The following CENPO variants were observed in gnomAD, a reference collection of about 807,000 sequenced individuals.
The protein encoded by CENPO is centromeric protein O.
Under a neutral mutation model 36.1 loss-of-function variants are expected in CENPO, and 30 were observed. The ratio of observed to expected loss-of-function variants is 0.83; its 90% CI spans 0.62 to 1.13. The LOEUF (loss-of-function observed/expected upper bound fraction) is 1.13, where lower values mean the gene tolerates loss of function less well. Ranked by LOEUF, CENPO falls within the 50% of genes most tolerant of loss-of-function variation. The pLI is 0.00. For synonymous variants in CENPO, 171 were observed against 142.3 expected (o/e 1.20, Z -1.44); for missense variants, 349 against 357.8 (o/e 0.98, Z 0.20).
intron 2 of CENPO, among the ~76,000 whole-genome samples, chr2:24,796,924 A>G (rs1665934408): frequency 6.6e-6 from 1 of 152,128 alleles, no homozygotes; most frequent in African/African-American, 2.4e-5. Context: ...CTGTGTGGAA[A>G]TGCCTAGAGA....
intron 3 of CENPO, among the ~76,000 whole-genome samples, chr2:24,805,433 GT>G (rs1666355631): frequency 6.6e-6 from 1 of 152,152 alleles, no homozygotes; most frequent in Non-Finnish European, 1.5e-5. Flanking sequence ...TTTCTGCTCT[GT>G]TTTTTCCCCA....
chr2:24,809,565 T>G (rs1014413651), intron 3 of CENPO, among the ~76,000 whole-genome samples: 1 of 152,106 alleles, frequency 6.6e-6, no homozygotes, highest in African/African-American at 2.4e-5. Flanking sequence ...TTTTTTGTAT[T>G]GTTTTTTCCT....
chr2:24,814,620 T>TCACACA, intron 4 of CENPO, 127 bp downstream of exon 4: 1 of 545,546 alleles, frequency 1.8e-6, no homozygotes, highest in Non-Finnish European at 3.3e-6. Flanking sequence ...CCCTCATCAC[T>TCACACA]CACACACACA....
intron 3 of CENPO, 51 bp downstream of exon 3, chr2:24,799,895 G>T: frequency 6.3e-7 from 1 of 1,584,162 alleles, no homozygotes; most frequent in African/African-American, 1.4e-5. Flanking sequence ...ATGAACAAAC[G>T]TGATTTGGGA....
Position 24,819,870 on chromosome 2 carries a change from T to G in CENPO, c.*552T>G. ...ACTTCAATCCAGGAAGGTCGGGACT[T>G]CCTTCAGTTTCAAAAAATAAATTCT... On this transcript the variant is annotated 3_prime_UTR_variant, in exon 8 of 8. Coordinates refer to ENST00000380834, the MANE Select transcript of CENPO (RefSeq NM_001322101.2). 1 of 1,548,328 alleles carries G rather than the reference T, an allele frequency of 6.5e-7. No homozygotes were observed. Among genetic ancestry groups the G allele is most frequent in the Non-Finnish European group, 8.8e-7 (1 of 1,136,600 alleles).
At chr2:24,816,854 C>T (rs1666958091) in intron 6 of CENPO, 37 bp downstream of exon 6, 1 of 1,538,166 alleles carries the variant, frequency 6.5e-7, no homozygotes, top group Non-Finnish European at 8.7e-7. Flanking sequence ...TTCTCATATC[C>T]CAGTTTATTT....
chr2:24,793,964 A>G lies in CENPO; in HGVS notation c.45A>G (p.Gly15=). The part of the protein sequence containing the change: ...NPLRPDGESK[G]GVLAHLERLE... ...TACGTCCAGATGGCGAGTCCAAAGGAGGTATTCAGAGGGTCGCCGCCTCCT... is the reference window on the plus strand; with the variant it reads ...TACGTCCAGATGGCGAGTCCAAAGGGGGTATTCAGAGGGTCGCCGCCTCCT... Residue 15 remains glycine, a splice_region_variant and synonymous_variant, in exon 2 of 8, where the codon GGA becomes GGG. Coordinates refer to ENST00000380834, the MANE Select transcript of CENPO (RefSeq NM_001322101.2). 6.2e-7 allele frequency: 1 copy of G among 1,610,458 alleles called. No individual in the cohort carries two copies. Among genetic ancestry groups the G allele is most frequent in the South Asian group, 1.1e-5 (1 of 90,996 alleles).
intron 7 of CENPO, 128 bp downstream of exon 7, chr2:24,817,969 C>G: frequency 4.5e-6 from 3 of 670,444 alleles, no homozygotes; most frequent in Non-Finnish European, 7.2e-6. Context: ...AGTATAGACA[C>G]TGGCATTTTT....
intron 3 of CENPO, among the ~76,000 whole-genome samples, chr2:24,805,250 C>T (rs1279738786): frequency 2.6e-5 from 4 of 152,244 alleles, no homozygotes; most frequent in Non-Finnish European, 5.9e-5. Context: ...AGGTTTTTAA[C>T]TTCTTTGCCA....
chr2:24,806,123 A>C (rs1666390414), intron 3 of CENPO, among the ~76,000 whole-genome samples: 1 of 152,226 alleles, frequency 6.6e-6, no homozygotes, highest in East Asian at 1.9e-4. Flanking sequence ...CCTCTGAGCC[A>C]GGCGCGGGAT....
At chr2:24,810,545 T>C (rs939015836) in intron 3 of CENPO, among the ~76,000 whole-genome samples, 3 of 148,246 alleles carry the variant, frequency 2.0e-5, no homozygotes, top group African/African-American at 5.0e-5. Flanking sequence ...TTTGCTCTTG[T>C]CGCCCAGGCT....
At position 24,821,376 on chromosome 2, in the gene CENPO, G is replaced by A; in HGVS notation, c.*2058G>A. 7.9e-7 allele frequency: 1 copy of A among 1,260,692 alleles called. No homozygotes were observed. Among genetic ancestry groups the A allele is most frequent in the Non-Finnish European group, 1.1e-6 (1 of 914,778 alleles). 78.1% of individuals were successfully genotyped at this position (1,260,692 alleles called of 1,614,324 possible). A position where few individuals can be genotyped will look rare whatever the true frequency, so the allele number is the denominator to read the frequency against. On this transcript the variant is annotated 3_prime_UTR_variant, in exon 8 of 8. Transcript: ENST00000380834. Reference sequence around the variant, plus strand: ...GTCGTCTGGACTAAAGGTCTTTCAGGTCTCCTTGCCCTGTGAGTGCGTGAA... The same window carrying A: ...GTCGTCTGGACTAAAGGTCTTTCAGATCTCCTTGCCCTGTGAGTGCGTGAA...
At chr2:24,804,398 A>G (rs1295625874) in intron 3 of CENPO, among the ~76,000 whole-genome samples, 2 of 152,122 alleles carry the variant, frequency 1.3e-5, no homozygotes, top group African/African-American at 2.4e-5. Context: ...TTGCCCATTA[A>G]TTCATGCAGT....
intron 1 of CENPO, 64 bp from the exon 2 acceptor site, chr2:24,793,788 C>A: frequency 8.1e-7 from 1 of 1,242,026 alleles, no homozygotes; most frequent in Non-Finnish European, 1.2e-6. Context: ...GTGGTGTGTG[C>A]CCTGCCGTCT....
chr2:24,814,546 A>C, intron 4 of CENPO, 53 bp downstream of exon 4: 1 of 833,372 alleles, frequency 1.2e-6, no homozygotes, highest in Non-Finnish European at 2.1e-6. Context: ...CTAGTGAGTT[A>C]GTTTGCTAGA....
chr2:24,812,678 T>A (rs1403198475), intron 3 of CENPO, among the ~76,000 whole-genome samples: 4 of 152,144 alleles, frequency 2.6e-5, no homozygotes. Flanking sequence ...CTTTTAAATC[T>A]ATTAAAATTC....
Position 24,820,608 on chromosome 2 carries a change from C to T in CENPO, c.*1290C>T. On this transcript the variant is annotated 3_prime_UTR_variant, in exon 8 of 8. Coordinates refer to ENST00000380834, the MANE Select transcript of CENPO (RefSeq NM_001322101.2). ...CTTTTCCACTTGCCCCACGTCTCTG[C>T]CTCTGGACTTACTGTTCAGGGCCAG... 6.5e-7 allele frequency: 1 copy of T among 1,532,044 alleles called. No homozygotes were observed. The highest frequency in any genetic ancestry group is 8.8e-7 in the Non-Finnish European group (1 of 1,131,220). 94.9% of individuals were successfully genotyped at this position (1,532,044 alleles called of 1,614,324 possible).
Position 24,820,927 on chromosome 2 carries a change from C to A in CENPO, c.*1609C>A, listed in dbSNP as rs1558392878. ...CCTCAGAAGCCATCTCCTCTCCAGA[C>A]CTGTACCACAAAGCTCCTAATGTAA... On this transcript the variant is annotated 3_prime_UTR_variant, in exon 8 of 8. Coordinates refer to ENST00000380834, the MANE Select transcript of CENPO (RefSeq NM_001322101.2). 6.4e-7 allele frequency: 1 copy of A among 1,563,014 alleles called. No homozygotes were observed. The highest frequency in any genetic ancestry group is 2.3e-5 in the East Asian group (1 of 44,300).
chr2:24,812,856 C>T (rs1276192853), intron 3 of CENPO, among the ~76,000 whole-genome samples: 1 of 148,614 alleles, frequency 6.7e-6, no homozygotes, highest in Non-Finnish European at 1.5e-5. Context: ...TCTTCTTTTT[C>T]CTCTTGGCTT....
Sources: gnomAD v4.1 joint callset for allele counts (sites outside exome capture counted in the v4.1 genomes callset) on GRCh38, gnomAD v4.1.1 for gene constraint, MANE v1.5 for transcripts, NCBI Gene and HGNC (gene_info 2026-07-23, HGNC 2026-07-21) for gene names.